RARB: variants seen among roughly 807,000 people sequenced by gnomAD.
RARB encodes HBV-activated protein.
Under a neutral mutation model 51.9 loss-of-function variants are expected in RARB, and 17 were observed. The ratio of observed to expected loss-of-function variants is 0.33; its 90% CI spans 0.22 to 0.49. The LOEUF (loss-of-function observed/expected upper bound fraction) is 0.49, where lower values mean the gene tolerates loss of function less well. Among genes scored for constraint, RARB ranks in the 20% least tolerant of loss-of-function variants. The probability of loss-of-function intolerance (pLI) is 0.99; values close to 1 mark genes in which losing one functional copy is unlikely to be tolerated. For missense variants in RARB, 369 were observed against 550.8 expected (o/e 0.67, Z 3.30); for synonymous variants, 215 against 195.4 (o/e 1.10, Z -0.84).
At position 24,958,255 on chromosome 3, in the gene RARB, G is replaced by GTTTTTTTTTTTTT. The variant is rs71057692; in HGVS notation, c.-380+99525_-380+99537dup. On this transcript the variant is annotated intron_variant, in intron 2 of 11. Coordinates refer to the RARB transcript ENST00000383772. The stretch of plus-strand genomic sequence containing the variant: ...ACCTGAAGCTTCCTGAGCTGCTCAG[G>GTTTTTTTTTTTTT]TTTTTTTTTTTTTTTTTTTTTTTTT... Among the ~76,000 whole-genome samples the GTTTTTTTTTTTTT allele has an allele frequency of 1.4e-4, 10 of 69,470 alleles. 1 individual carries two copies. Among genetic ancestry groups the GTTTTTTTTTTTTT allele is most frequent in the South Asian group, 7.4e-4 (1 of 1,344 alleles). 45.6% of individuals were successfully genotyped at this position (69,470 alleles called of 152,430 possible).
intron 2 of RARB, among the ~76,000 whole-genome samples, chr3:24,977,028 C>T (rs1696531584): frequency 1.3e-5 from 2 of 152,158 alleles, no homozygotes; most frequent in African/African-American, 4.8e-5. Context: ...ATCCTTTTCC[C>T]ATTTCTTGTT....
intron 1 of RARB, among the ~76,000 whole-genome samples, chr3:25,459,405 A>G (rs147068494): frequency 6.6e-6 from 1 of 152,368 alleles, no homozygotes; most frequent in Non-Finnish European, 1.5e-5. Flanking sequence ...TGATGCTGCT[A>G]AAATGCCGTG....
At chr3:25,026,443 T>C (rs1447054203) in intron 2 of RARB, among the ~76,000 whole-genome samples, 2 of 152,220 alleles carry the variant, frequency 1.3e-5, no homozygotes, top group East Asian at 3.8e-4. Context: ...GGCTTGTAGG[T>C]GGCTCCCTTC....
intron 4 of RARB, among the ~76,000 whole-genome samples, chr3:25,140,070 T>C (rs971614865): frequency 6.7e-6 from 1 of 149,494 alleles, no homozygotes; most frequent in Non-Finnish European, 1.5e-5. Context: ...GAGGTGGAGA[T>C]ATACAAGGAC....
chr3:25,270,495 CAAT>C (rs1314856993), intron 5 of RARB, among the ~76,000 whole-genome samples: 1 of 151,972 alleles, frequency 6.6e-6, no homozygotes, highest in Non-Finnish European at 1.5e-5. Context: ...TATTTTACCA[CAAT>C]AAAAAAGATA....
intron 2 of RARB, among the ~76,000 whole-genome samples, chr3:24,873,258 T>A (rs905087346): frequency 2.0e-5 from 3 of 152,234 alleles, no homozygotes; most frequent in African/African-American, 7.2e-5. Flanking sequence ...CCTAGAATTT[T>A]CTTTGTGAAC....
intron 5 of RARB, among the ~76,000 whole-genome samples, chr3:25,259,793 A>C (rs964918664): frequency 6.6e-6 from 1 of 152,176 alleles, no homozygotes; most frequent in African/African-American, 2.4e-5. Flanking sequence ...TATTTTATGC[A>C]TGACCCAAAG....
chr3:25,368,983 A>T (rs1054673641), intron 5 of RARB, among the ~76,000 whole-genome samples: 5 of 152,212 alleles, frequency 3.3e-5, no homozygotes, highest in African/African-American at 1.2e-4. Context: ...AAAATTACAT[A>T]TTTCAAATAC....
At chr3:25,468,362 G>A (rs1575432611) in intron 2 of RARB, among the ~76,000 whole-genome samples, 1 of 146,232 alleles carries the variant, frequency 6.8e-6, no homozygotes, top group South Asian at 2.3e-4. Flanking sequence ...CTGTACACTA[G>A]GCATTTGGGC....
intron 1 of RARB, among the ~76,000 whole-genome samples, chr3:25,448,599 C>A (rs947349226): frequency 1.3e-5 from 2 of 152,114 alleles, no homozygotes; most frequent in African/African-American, 4.8e-5. Context: ...TCCCGAGTAG[C>A]TGGGATTGCA....
intron 3 of RARB, among the ~76,000 whole-genome samples, chr3:25,529,031 A>G (rs936103377): frequency 1.4e-4 from 22 of 151,894 alleles, no homozygotes; most frequent in African/African-American, 2.9e-4. Flanking sequence ...AAATTGTTCA[A>G]TTGTTCAATT....
intron 3 of RARB, among the ~76,000 whole-genome samples, chr3:25,069,052 C>CCT (rs1223936594): frequency 1.3e-5 from 2 of 151,072 alleles, no homozygotes; most frequent in Non-Finnish European, 2.9e-5. Flanking sequence ...GAAGTCAAGA[C>CCT]CTCCCATACT....
chr3:25,419,932 T>C (rs1575387709), intron 5 of RARB, among the ~76,000 whole-genome samples: 1 of 150,626 alleles, frequency 6.6e-6, no homozygotes, highest in Admixed American at 6.6e-5. Flanking sequence ...TGCAAAAAAC[T>C]AATTTTGGAA....
chr3:25,417,444 C>T (rs1707733878), intron 5 of RARB, among the ~76,000 whole-genome samples: 1 of 152,098 alleles, frequency 6.6e-6, no homozygotes, highest in African/African-American at 2.4e-5. Context: ...AACTGACTCC[C>T]CCCAAGGGAC....
intron 5 of RARB, among the ~76,000 whole-genome samples, chr3:25,354,783 G>C (rs948846693): frequency 2.0e-5 from 2 of 102,364 alleles, no homozygotes; most frequent in African/African-American, 7.9e-5. Flanking sequence ...CCTGCGCTTT[G>C]CTGCTATTCA....
intron 2 of RARB, among the ~76,000 whole-genome samples, chr3:25,025,813 C>A (rs1032804066): frequency 2.0e-5 from 3 of 152,124 alleles, no homozygotes; most frequent in African/African-American, 7.2e-5. Flanking sequence ...TTGTCTATGG[C>A]CCATATAAAT....
intron 1 of RARB, among the ~76,000 whole-genome samples, chr3:25,453,536 C>T (rs947480974): frequency 6.6e-6 from 1 of 151,960 alleles, no homozygotes; most frequent in Non-Finnish European, 1.5e-5. Context: ...AGCCACTGTG[C>T]CCGGCCAAGA....
At chr3:24,985,828 G>A (rs1340528059) in intron 2 of RARB, among the ~76,000 whole-genome samples, 1 of 152,246 alleles carries the variant, frequency 6.6e-6, no homozygotes, top group Non-Finnish European at 1.5e-5. Context: ...TGTGCCTGCT[G>A]CCGCGTTGGC....
intron 5 of RARB, among the ~76,000 whole-genome samples, chr3:25,408,677 C>G (rs1707479793): frequency 6.6e-6 from 1 of 152,150 alleles, no homozygotes; most frequent in Non-Finnish European, 1.5e-5. Context: ...GAAGACTTCC[C>G]TGGCTCCAGG....
Sources: allele counts gnomAD v4.1 joint callset (sites outside exome capture counted in the v4.1 genomes callset), GRCh38; gene constraint gnomAD v4.1.1; transcripts MANE v1.5; gene names NCBI Gene and HGNC (gene_info 2026-07-23, HGNC 2026-07-21).